The following SIRT1 variants were observed in gnomAD, a reference collection of about 807,000 sequenced individuals.
The protein encoded by SIRT1 is NAD-dependent protein deacetylase sirtuin-1.
In SIRT1, 24 loss-of-function variants were observed where a neutral mutation model predicts 67.9. The observed-to-expected ratio is 0.35, with a 90% confidence interval of 0.26 to 0.50. The LOEUF (loss-of-function observed/expected upper bound fraction) is 0.50, where lower values mean the gene tolerates loss of function less well. Among genes scored for constraint, SIRT1 ranks in the 20% least tolerant of loss-of-function variants. SIRT1 has a pLI of 0.98. For missense variants in SIRT1, 873 were observed against 937.2 expected (o/e 0.93, Z 0.89); for synonymous variants, 378 against 350.7 (o/e 1.08, Z -0.87).
chr10:67,888,856 T>G, intron 2 of SIRT1, 26 bp from the exon 3 acceptor site: 3 of 1,574,242 alleles, frequency 1.9e-6, no homozygotes, highest in Non-Finnish European at 2.6e-6. Context: ...ATAAGTTGAC[T>G]TTAAGCCTTT....
intron 7 of SIRT1, among the ~76,000 whole-genome samples, chr10:67,911,261 T>G (rs922845523): frequency 6.6e-6 from 1 of 152,232 alleles, no homozygotes; most frequent in Non-Finnish European, 1.5e-5. Flanking sequence ...TGGTGCAGTT[T>G]CAGCTCACTG....
At chr10:67,908,973 T>C (rs1437726279) in intron 6 of SIRT1, among the ~76,000 whole-genome samples, 1 of 152,166 alleles carries the variant, frequency 6.6e-6, no homozygotes, top group Non-Finnish European at 1.5e-5. Context: ...TCCCATTTAG[T>C]GTATATACAC....
intron 7 of SIRT1, among the ~76,000 whole-genome samples, chr10:67,910,687 C>T (rs1842885297): frequency 6.6e-6 from 1 of 151,998 alleles, no homozygotes. Flanking sequence ...AACAGCCATG[C>T]CATAACGGTG....
chr10:67,899,411 T>C (rs1202910920), intron 4 of SIRT1, among the ~76,000 whole-genome samples: 1 of 151,874 alleles, frequency 6.6e-6, no homozygotes, highest in East Asian at 1.9e-4. Context: ...TATATCTATA[T>C]ATAGTTTGCC....
rs1842449972 is a variant in SIRT1 at position 67,884,920 on chromosome 10, T to A, written c.199T>A (p.Cys67Ser). The change falls in exon 1 of 9, where the codon TGC becomes AGC. Residue 67 changes from cysteine to serine, a missense_variant. Around this residue, in one of 3 missense-constraint regions of SIRT1, gnomAD observed 327 missense variants for 283.9 expected, o/e 1.15. Coordinates refer to ENST00000212015, the MANE Select transcript of SIRT1 (RefSeq NM_012238.5). ...EREVPAAARG[C>S]PGAAAAALWR... is the part of the protein sequence containing the mutation. ...TGAGGTGCCGGCGGCGGCCAGGGGC[T>A]GCCCGGGTGCGGCGGCGGCGGCGCT... is the stretch of plus-strand genomic sequence containing the variant. 8.1e-7 allele frequency: 1 copy of A among 1,233,236 alleles called. No homozygotes were observed. The highest frequency in any genetic ancestry group is 4.0e-5 in the South Asian group (1 of 25,076). The allele number at this position is 1,233,236 out of a possible 1,614,324, so 76.4% of individuals were successfully genotyped here.
intron 1 of SIRT1, among the ~76,000 whole-genome samples, chr10:67,886,131 CGG>C (rs769996994): frequency 2.0e-5 from 3 of 151,624 alleles, no homozygotes; most frequent in African/African-American, 7.3e-5. Flanking sequence ...TTAGCAGAGA[CGG>C]GGTTTCACCA....
chr10:67,914,594 ATGCACTAAGACT>A (rs1289688969), intron 8 of SIRT1, among the ~76,000 whole-genome samples: 1 of 152,232 alleles, frequency 6.6e-6, no homozygotes, highest in Non-Finnish European at 1.5e-5. Flanking sequence ...AAGTCTACCT[ATGCACTAAGACT>A]TGCACTGGGA....
chr10:67,884,656 G>A lies in SIRT1; in HGVS notation c.-66G>A. The A allele has an allele frequency of 4.9e-6, 6 of 1,222,388 alleles. No homozygotes were observed. The highest frequency in any genetic ancestry group is 5.1e-6 in the Non-Finnish European group (5 of 981,938). 75.7% of individuals were successfully genotyped at this position (1,222,388 alleles called of 1,614,324 possible). On this transcript the variant is annotated 5_prime_UTR_variant, in exon 1 of 9. Transcript: ENST00000212015. ...CTCCCGCAGCCGGAGCCGCGGGGGC[G>A]CCAGTGCCGCGCGTCGAGCGGGAGC...
rs546604449 is a variant in SIRT1, at chr10:67,894,809, A to G, written c.942+3255A>G. On this transcript the variant is annotated intron_variant, in intron 4 of 8. Transcript: ENST00000212015. ...ACTGCATCCTCCACCTCCCGGGTTC[A>G]AGCAATTCTCTTGCCTCAGCCTCCC... Among the ~76,000 whole-genome samples the G allele has an allele frequency of 1.2e-4, 19 of 152,170 alleles. 1 individual carries two copies. Among genetic ancestry groups the G allele is most frequent in the African/African-American group, 4.3e-4 (18 of 41,520 alleles).
In SIRT1 at chr10:67,884,978, C is replaced by G; in HGVS notation, c.257C>G (p.Ala86Gly). 1 of 1,266,900 alleles carries G rather than the reference C, an allele frequency of 7.9e-7. No homozygotes were observed. The highest frequency in any genetic ancestry group is 1.5e-5 in the African/African-American group (1 of 64,534). The allele number at this position is 1,266,900 out of a possible 1,614,324, so 78.5% of individuals were successfully genotyped here. A position where few individuals can be genotyped will look rare whatever the true frequency, so the allele number is the denominator to read the frequency against. ...GAGGCGGAGGCAGAGGCGGCGGCGG[C>G]AGGCGGGGAGCAAGAGGCCCAGGCG... is the stretch of plus-strand genomic sequence containing the variant. Reference protein sequence around the residue: ...WREAEAEAAAAGGEQEAQATA... With the variant: ...WREAEAEAAAGGGEQEAQATA... Residue 86 changes from alanine to glycine, a missense_variant, in exon 1 of 9, where the codon GCA becomes GGA. Ala to Gly is a moderately conservative substitution (Grantham distance 60). Coordinates refer to ENST00000212015, the MANE Select transcript of SIRT1 (RefSeq NM_012238.5).
chr10:67,913,018 T>C lies in SIRT1; in HGVS notation c.1902T>C (p.Ser634=). The C allele has an allele frequency of 6.3e-7, 1 of 1,596,286 alleles. No homozygotes were observed. Among genetic ancestry groups the C allele is most frequent in the Non-Finnish European group, 8.5e-7 (1 of 1,174,296 alleles). The change falls in exon 8 of 9, where the codon AGT becomes AGC. Residue 634 remains serine (S), a synonymous_variant. Transcript: ENST00000212015. The part of the protein sequence containing the change: ...WPNRVAKEQI[S]RRLDGNQYLF... ...ATAGAGTGGCAAAGGAGCAGATTAG[T>C]AGGCGGCTTGATGGTAAGAAAGGCA...
rs1368006921 is a variant in SIRT1, at chr10:67,884,765, C to T, written c.44C>T (p.Pro15Leu). ...CTCGCCCTTCAGCCCGGCGGCTCCCCCTCGGCGGCGGGGGCCGACAGGGAG... is the reference window on the plus strand; with the variant it reads ...CTCGCCCTTCAGCCCGGCGGCTCCCTCTCGGCGGCGGGGGCCGACAGGGAG... ...AALALQPGGS[P>L]SAAGADREAA... The change falls in exon 1 of 9, where the codon CCC becomes CTC. Residue 15 changes from proline to leucine, a missense_variant. Pro to Leu is a moderately conservative substitution (Grantham distance 98). This residue lies in a region of SIRT1 where 327 missense variants were observed against 283.9 expected (regional missense o/e 1.15). Coordinates refer to ENST00000212015, the MANE Select transcript of SIRT1 (RefSeq NM_012238.5). 1.5e-5 allele frequency: 19 copies of T among 1,228,376 alleles called. No individual in the cohort carries two copies. Among genetic ancestry groups the T allele is most frequent in the Non-Finnish European group, 1.8e-5 (18 of 985,778 alleles). 76.1% of individuals were successfully genotyped at this position (1,228,376 alleles called of 1,614,324 possible). A position where few individuals can be genotyped will look rare whatever the true frequency, so the allele number is the denominator to read the frequency against.
At chr10:67,903,118 T>G (rs34957592) in intron 4 of SIRT1, among the ~76,000 whole-genome samples, 1 of 152,092 alleles carries the variant, frequency 6.6e-6, no homozygotes, top group African/African-American at 2.4e-5. Context: ...AATTTTGTTA[T>G]GTTGTGCGGG....
intron 4 of SIRT1, among the ~76,000 whole-genome samples, chr10:67,902,198 A>G (rs1259583351): frequency 2.0e-5 from 3 of 152,194 alleles, no homozygotes; most frequent in Admixed American, 6.6e-5. Flanking sequence ...CATGTTGGCC[A>G]GGCTGGTCTC....
In SIRT1 at chr10:67,885,034, C is replaced by T; in HGVS notation, c.313C>T (p.Pro105Ser). 3.6e-6 allele frequency: 5 copies of T among 1,378,640 alleles called. No homozygotes were observed. Among genetic ancestry groups the T allele is most frequent in the Non-Finnish European group, 3.8e-6 (4 of 1,057,050 alleles). The allele number at this position is 1,378,640 out of a possible 1,614,324, so 85.4% of individuals were successfully genotyped here. A position where few individuals can be genotyped will look rare whatever the true frequency, so the allele number is the denominator to read the frequency against. ...GGCGGCTGGGGAAGGAGACAATGGG[C>T]CGGGCCTGCAGGGCCCATCTCGGGA... is the stretch of plus-strand genomic sequence containing the variant. Reference protein sequence around the residue: ...TAAAGEGDNGPGLQGPSREPP... With the variant: ...TAAAGEGDNGSGLQGPSREPP... The change falls in exon 1 of 9, where the codon CCG becomes TCG. Residue 105 changes from proline (P) to serine (S), a missense_variant. By Grantham distance (74) the Pro-to-Ser change is moderately conservative. This residue lies in a region of SIRT1 where 327 missense variants were observed against 283.9 expected (regional missense o/e 1.15). Transcript: ENST00000212015.
intron 4 of SIRT1, among the ~76,000 whole-genome samples, chr10:67,899,048 T>C (rs1487240945): frequency 1.3e-5 from 2 of 152,174 alleles, no homozygotes; most frequent in African/African-American, 4.8e-5. Context: ...TTAGGATAAA[T>C]TCCTGAAAGT....
chr10:67,906,930 G>A lies in SIRT1; in HGVS notation c.1083G>A (p.Gln361=), dbSNP rs1235876376. The change falls in exon 5 of 9, where the codon CAG becomes CAA. Residue 361 remains glutamine, a synonymous_variant. Coordinates refer to ENST00000212015, the MANE Select transcript of SIRT1 (RefSeq NM_012238.5). ...TTGCGGGAATCCAAAGGATAATTCA[G>A]TGTCATGGTTAGTAAACTTCAGAGT... ...EQVAGIQRII[Q]CHGSFATASC... 1.9e-6 allele frequency: 3 copies of A among 1,598,404 alleles called. No individual in the cohort carries two copies. In the East Asian group the frequency reaches 6.8e-5, roughly 36 times the overall value.
At chr10:67,911,661 T>G (rs1159839870) in intron 7 of SIRT1, among the ~76,000 whole-genome samples, 1 of 112,622 alleles carries the variant, frequency 8.9e-6, no homozygotes, top group Non-Finnish European at 1.7e-5. Flanking sequence ...CCATTCATCC[T>G]TCCTTCTGTT....
chr10:67,916,784 CACTA>C lies in SIRT1; in HGVS notation c.*195_*198del, dbSNP rs2029928595. The stretch of plus-strand genomic sequence containing the variant: ...TATTTCTGTACTTGTACAAACTCAA[CACTA>C]ACTTTTTTTTTTTTAAAAAAAAAAA... On this transcript the variant is annotated 3_prime_UTR_variant, in exon 9 of 9. Transcript: ENST00000212015. 3 of 378,330 alleles carry C rather than the reference CACTA, an allele frequency of 7.9e-6. No individual in the cohort carries two copies. The highest frequency in any genetic ancestry group is 1.4e-5 in the Non-Finnish European group (3 of 216,846). The allele number at this position is 378,330 out of a possible 1,614,324, so 23.4% of individuals were successfully genotyped here.
Sources: gnomAD v4.1 joint callset for allele counts (sites outside exome capture counted in the v4.1 genomes callset) on GRCh38, gnomAD v4.1.1 for gene constraint, gnomAD v4.1.1 regional missense constraint, MANE v1.5 for transcripts, NCBI Gene and HGNC (gene_info 2026-07-23, HGNC 2026-07-21) for gene names.